Variants in ITGB2 observed in about 807,000 individuals in gnomAD.
The protein encoded by ITGB2 is integrin subunit beta 2.
ITGB2 carries 56 observed loss-of-function variants against 86.8 expected under a neutral mutation model. The ratio of observed to expected loss-of-function variants is 0.65; its 90% CI spans 0.52 to 0.81. The LOEUF is 0.81. Among genes scored for constraint, ITGB2 ranks in the 30% least tolerant of loss-of-function variants. The probability of loss-of-function intolerance (pLI) is 0.00; values close to 1 mark genes in which losing one functional copy is unlikely to be tolerated. For missense variants in ITGB2, 948 were observed against 1,061.2 expected (o/e 0.89, Z 1.48); for synonymous variants, 457 against 450.4 (o/e 1.01, Z -0.19).
At chr21:44,905,210 C>T (rs2084024730) in intron 4 of ITGB2, among the ~76,000 whole-genome samples, 1 of 152,214 alleles carries the variant, frequency 6.6e-6, no homozygotes, top group Non-Finnish European at 1.5e-5. Flanking sequence ...GCCAGGACCC[C>T]GCGAGAGGAC....
intron 10 of ITGB2, among the ~76,000 whole-genome samples, chr21:44,892,608 A>G (rs1162984024): frequency 1.4e-5 from 2 of 147,708 alleles, no homozygotes; most frequent in East Asian, 1.9e-4. Context: ...CCATCTCAAA[A>G]AAAAAAAAAA....
At chr21:44,893,974 A>T (rs2083826886) in intron 9 of ITGB2, 1 of 311,368 alleles carries the variant, frequency 3.2e-6, no homozygotes, top group Non-Finnish European at 6.4e-6. Context: ...AGACAGAGAC[A>T]GACAGAGATG....
rs371496040 is a variant in ITGB2 at position 44,920,362 on chromosome 21, C to T, written c.-4+459G>A. 4.6e-5 allele frequency among the ~76,000 whole-genome samples: 7 copies of T among 152,160 alleles called. No homozygotes were observed. The East Asian group carries it at 7.7e-4, about 17-fold the overall frequency. On this transcript the variant is annotated intron_variant, in intron 1 of 15. Coordinates refer to ENST00000652462, the MANE Select transcript of ITGB2 (RefSeq NM_000211.5). ...ACACCATATCACACACCACACACTG[C>T]GAGTCGATCTGGAGATGGAATCGCT...
intron 14 of ITGB2, among the ~76,000 whole-genome samples, chr21:44,887,876 C>T (rs1416026069): frequency 2.0e-5 from 3 of 152,216 alleles, no homozygotes; most frequent in African/African-American, 7.2e-5. Context: ...TGCCTCGGGT[C>T]CCTTCCTGGT....
chr21:44,903,774 A>G (rs1025991777), intron 4 of ITGB2, among the ~76,000 whole-genome samples: 8 of 152,092 alleles, frequency 5.3e-5, no homozygotes, highest in African/African-American at 1.9e-4. Context: ...TCGCAGTGAC[A>G]CTGAAACCCG....
At chr21:44,904,015 C>T (rs1221209380) in intron 4 of ITGB2, among the ~76,000 whole-genome samples, 1 of 152,206 alleles carries the variant, frequency 6.6e-6, no homozygotes, top group Non-Finnish European at 1.5e-5. Context: ...CTTCCGCTCG[C>T]CCGCGTCTCA....
intron 1 of ITGB2, among the ~76,000 whole-genome samples, chr21:44,912,922 C>T (rs1386579803): frequency 0.015 from 1 of 68 alleles, no homozygotes; most frequent in African/African-American, 0.045. Context: ...TTCAGGACTC[C>T]CCCAGGGTGC....
Position 44,902,032 on chromosome 21 carries a change from G to A in ITGB2, c.500-299C>T, listed in dbSNP as rs60426421. Among the ~76,000 whole-genome samples, 23,802 of 152,258 alleles carry A rather than the reference G, an allele frequency of 0.16. 2,057 individuals carry two copies. Among genetic ancestry groups the A allele is most frequent in the Admixed American group, 0.23 (3,500 of 15,302 alleles). On this transcript the variant is annotated intron_variant, in intron 5 of 15. Transcript: ENST00000652462. ...GGTATACATGTGGGCATGTGAACAG[G>A]TGCGTATGTGTATCTGTGTGTGCAG...
chr21:44,889,955 C>G, intron 12 of ITGB2, 23 bp downstream of exon 12: 1 of 1,612,544 alleles, frequency 6.2e-7, no homozygotes, highest in Non-Finnish European at 8.5e-7. Flanking sequence ...CGGCCGTTGT[C>G]CAGCAGGGAC....
rs1013958847 is a variant in ITGB2 at position 44,889,294 on chromosome 21, G to A, written c.1859C>T (p.Ser620Leu). The A allele has an allele frequency of 6.2e-7, 1 of 1,612,832 alleles. No individual in the cohort carries two copies. The highest frequency in any genetic ancestry group is 1.3e-5 in the African/African-American group (1 of 75,032). The change falls in exon 13 of 16, where the codon TCA (serine) becomes TTA (leucine). Residue 620 changes from serine to leucine, a missense_variant. By Grantham distance (145) the Ser-to-Leu change is moderately radical (BLOSUM62 -2). Coordinates refer to ENST00000652462, the MANE Select transcript of ITGB2 (RefSeq NM_000211.5). Reference protein sequence around the residue: ...PLCQECPGCPSPCGKYISCAE... With the variant: ...PLCQECPGCPLPCGKYISCAE... ...CACTCACATGTACTTGCCACAGGGT[G>A]AGGGGCAGCCGGGGCACTCCTGGCA...
At chr21:44,926,417 G>A (rs1195373915) in intron 1 of ITGB2, among the ~76,000 whole-genome samples, 3 of 152,230 alleles carry the variant, frequency 2.0e-5, no homozygotes, top group African/African-American at 7.2e-5. Flanking sequence ...CAGGCTCCAC[G>A]GAGCCGGGAG....
In ITGB2 at chr21:44,910,716, A is replaced by G. The variant is rs566329613; in HGVS notation, c.58+9T>C. 6.8e-6 allele frequency: 11 copies of G among 1,613,788 alleles called. 1 individual carries two copies. In the South Asian group the frequency reaches 1.1e-4, roughly 16 times the overall value. ...GCGTGGAGTCCCCTCCGTGGAACACAGAACTCACCGCACCCGAGGGAGAGC... is the reference window on the plus strand; with the variant it reads ...GCGTGGAGTCCCCTCCGTGGAACACGGAACTCACCGCACCCGAGGGAGAGC... On this transcript the variant is annotated intron_variant, in intron 2 of 15. Coordinates refer to ENST00000652462, the MANE Select transcript of ITGB2 (RefSeq NM_000211.5).
chr21:44,886,371 ACTCT>A lies in ITGB2; in HGVS notation c.2303_2306del (p.Glu768ValfsTer6). ...GCCTTGTCTTCACCAAGTGCTCCTAACTCTCAGCAAACTTGGGGTTCATGACCGT... is the reference window on the plus strand; with the variant it reads ...GCCTTGTCTTCACCAAGTGCTCCTAACAGCAAACTTGGGGTTCATGACCGT... On this transcript the variant is annotated frameshift_variant, in exon 16 of 16. Transcript: ENST00000652462. LOFTEE classifies it high-confidence loss of function. 6.2e-7 allele frequency: 1 copy of A among 1,613,952 alleles called. No homozygotes were observed. Among genetic ancestry groups the A allele is most frequent in the Non-Finnish European group, 8.5e-7 (1 of 1,179,910 alleles).
intron 5 of ITGB2, 40 bp downstream of exon 5, chr21:44,903,325 G>A (rs758781551): frequency 1.2e-6 from 2 of 1,612,914 alleles, no homozygotes; most frequent in Admixed American, 1.7e-5. Context: ...CCAGGGTCTG[G>A]GAAAGGACTG....
intron 1 of ITGB2, among the ~76,000 whole-genome samples, chr21:44,917,643 C>T (rs1165306991): frequency 6.6e-6 from 1 of 152,128 alleles, no homozygotes. Context: ...AGCCTCTCCT[C>T]TAGGCACGGC....
At chr21:44,900,944 C>T (rs923807969) in intron 6 of ITGB2, among the ~76,000 whole-genome samples, 62 of 152,338 alleles carry the variant, frequency 4.1e-4, no homozygotes, top group African/African-American at 1.3e-3. Context: ...ACCTCACACT[C>T]GTGAGCAGTG....
intron 4 of ITGB2, among the ~76,000 whole-genome samples, chr21:44,904,898 C>T (rs923594293): frequency 7.9e-5 from 12 of 152,156 alleles, no homozygotes; most frequent in African/African-American, 2.4e-4. Flanking sequence ...ACACCCGGCA[C>T]TCCTGGCCCT....
chr21:44,901,459 A>G (rs1160512441), intron 6 of ITGB2, 33 bp downstream of exon 6: 1 of 1,609,576 alleles, frequency 6.2e-7, no homozygotes, highest in Non-Finnish European at 8.5e-7. Context: ...CACTGGGGGA[A>G]CGTGGGGACC....
Position 44,912,760 on chromosome 21 carries a change from G to A in ITGB2, c.-3-1975C>T, listed in dbSNP as rs948510775. Among the ~76,000 whole-genome samples the A allele has an allele frequency of 5.3e-5, 8 of 152,060 alleles. No homozygotes were observed. The South Asian group carries it at 1.5e-3, about 28-fold the overall frequency. On this transcript the variant is annotated intron_variant, in intron 1 of 15. Coordinates refer to ENST00000652462, the MANE Select transcript of ITGB2 (RefSeq NM_000211.5). ...CCCACCAGCCCCTCAGCTGATCGGA[G>A]GCCCTGTGCGTGCTGGAGCTACCCC...
Sources: gnomAD v4.1 joint callset for allele counts (sites outside exome capture counted in the v4.1 genomes callset) on GRCh38, gnomAD v4.1.1 for gene constraint, MANE v1.5 for transcripts, NCBI Gene and HGNC (gene_info 2026-07-23, HGNC 2026-07-21) for gene names.